MKLN1: variants seen among roughly 807,000 people sequenced by gnomAD.
The protein encoded by MKLN1 is muskelin 1.
MKLN1 carries 18 observed loss-of-function variants against 99.0 expected under a neutral mutation model. The ratio of observed to expected loss-of-function variants is 0.18; its 90% CI spans 0.13 to 0.27. The LOEUF is 0.27. Ranked by LOEUF, MKLN1 falls within the 10% of genes least tolerant of loss-of-function variation. The pLI, the probability that MKLN1 is intolerant of heterozygous loss-of-function variation, is 1.00. For synonymous variants in MKLN1, 288 were observed against 293.2 expected, an observed-to-expected ratio of 0.98 and a Z score of 0.18; for missense variants, 621 against 875.9, an observed-to-expected ratio of 0.71 and a Z score of 3.67.
At chr7:131,134,695 C>T (rs568479469) in intron 1 of MKLN1, among the ~76,000 whole-genome samples, 107 of 152,300 alleles carry the variant, frequency 7.0e-4, no homozygotes, top group Non-Finnish European at 1.3e-3. Flanking sequence ...CCCCCTTGGA[C>T]TTGTTACTAC....
At chr7:131,374,539 T>G (rs1793577355) in intron 1 of MKLN1, among the ~76,000 whole-genome samples, 1 of 152,164 alleles carries the variant, frequency 6.6e-6, no homozygotes, top group African/African-American at 2.4e-5. Context: ...TACCAGCCAT[T>G]TACTTATTTG....
intron 7 of MKLN1, among the ~76,000 whole-genome samples, chr7:131,411,885 A>G (rs1235462757): frequency 7.8e-6 from 1 of 127,726 alleles, no homozygotes; most frequent in East Asian, 2.6e-4. Context: ...CCGGCCTGGG[A>G]GACAGATGGA....
At chr7:131,350,099 C>T (rs903709778) in intron 1 of MKLN1, among the ~76,000 whole-genome samples, 3 of 151,974 alleles carry the variant, frequency 2.0e-5, no homozygotes, top group East Asian at 1.9e-4. Context: ...GTATTTGTAC[C>T]CACCTCTCTT....
intron 3 of MKLN1, among the ~76,000 whole-genome samples, chr7:131,307,396 G>A (rs114702609): frequency 0.013 from 1,976 of 152,220 alleles, 51 homozygotes; most frequent in African/African-American, 0.045. Flanking sequence ...GTGAGAAGAG[G>A]ACAACCATCC....
At chr7:131,166,071 T>C (rs2116323814) in intron 2 of MKLN1, among the ~76,000 whole-genome samples, 2 of 151,396 alleles carry the variant, frequency 1.3e-5, no homozygotes, top group Non-Finnish European at 2.9e-5. Flanking sequence ...GCTGTGATCA[T>C]GCCCATGCAC....
intron 2 of MKLN1, among the ~76,000 whole-genome samples, chr7:131,146,409 A>C (rs773214824): frequency 1.1e-4 from 16 of 152,206 alleles, no homozygotes; most frequent in Admixed American, 8.5e-4. Context: ...GTTCTTTCCC[A>C]CCTTGAGATC....
chr7:131,234,196 T>C (rs1584856144), intron 3 of MKLN1, among the ~76,000 whole-genome samples: 1 of 152,062 alleles, frequency 6.6e-6, no homozygotes, highest in East Asian at 1.9e-4. Flanking sequence ...GCCAGGCTGG[T>C]CTTGAACTCC....
At chr7:131,120,011 T>C (rs1273812238) in intron 1 of MKLN1, among the ~76,000 whole-genome samples, 1 of 152,096 alleles carries the variant, frequency 6.6e-6, no homozygotes, top group Non-Finnish European at 1.5e-5. Flanking sequence ...GAGGATAGGC[T>C]TTTAGAAGCA....
At chr7:131,359,594 A>G (rs558060001) in intron 1 of MKLN1, among the ~76,000 whole-genome samples, 18 of 152,274 alleles carry the variant, frequency 1.2e-4, no homozygotes, top group Admixed American at 2.0e-4. Flanking sequence ...GATGTGTCCA[A>G]TTATAATAAT....
intron 3 of MKLN1, among the ~76,000 whole-genome samples, chr7:131,277,170 G>A (rs1275218752): frequency 3.9e-5 from 6 of 152,244 alleles, no homozygotes; most frequent in East Asian, 3.9e-4. Flanking sequence ...GGAAGGGAAC[G>A]GTGAACAGAG....
At chr7:131,261,896 A>G (rs1191399711) in intron 3 of MKLN1, among the ~76,000 whole-genome samples, 6 of 152,218 alleles carry the variant, frequency 3.9e-5, no homozygotes, top group Admixed American at 3.9e-4. Flanking sequence ...TTAATAACAT[A>G]GGAACAGAAA....
At chr7:131,184,839 T>A (rs1665021766) in intron 2 of MKLN1, among the ~76,000 whole-genome samples, 2 of 152,182 alleles carry the variant, frequency 1.3e-5, no homozygotes, top group Admixed American at 1.3e-4. Context: ...AATACTTTTT[T>A]AAAGATGCAC....
At chr7:131,246,942 T>G (rs767379387) in intron 3 of MKLN1, among the ~76,000 whole-genome samples, 1 of 152,184 alleles carries the variant, frequency 6.6e-6, no homozygotes, top group African/African-American at 2.4e-5. Context: ...AGGGCACTGT[T>G]GAGAGTGGAA....
intron 9 of MKLN1, among the ~76,000 whole-genome samples, chr7:131,433,882 AT>A (rs11346221): frequency 0.97 from 124,799 of 128,926 alleles, 60,376 homozygotes; most frequent in Middle Eastern, 0.98. Flanking sequence ...TGTCGTTTGA[AT>A]TTTTTTTTTT....
At chr7:131,298,643 C>T (rs1450562577) in intron 3 of MKLN1, among the ~76,000 whole-genome samples, 2 of 152,190 alleles carry the variant, frequency 1.3e-5, no homozygotes, top group African/African-American at 2.4e-5. Flanking sequence ...ATAAAACACG[C>T]CTGTCTTTGT....
chr7:131,242,574 C>T (rs772620561), intron 3 of MKLN1: 12 of 450,932 alleles, frequency 2.7e-5, no homozygotes, highest in South Asian at 1.2e-4. Flanking sequence ...GCTATAGGCC[C>T]GAGGGGTTGC....
intron 15 of MKLN1, 27 bp from the exon 16 acceptor site, chr7:131,470,815 A>G: frequency 2.1e-6 from 3 of 1,403,080 alleles, no homozygotes; most frequent in Non-Finnish European, 3.0e-6. Flanking sequence ...ATAACTCCAG[A>G]TAATTATCCT....
Position 131,171,505 on chromosome 7 carries a change from T to A in MKLN1, c.-297+28564T>A, listed in dbSNP as rs141762601. ...CGTGTTTCGCTTTTGTAGCCAAGGC[T>A]GGAGTGCAATGGTGCGTTCTCAGCT... On this transcript the variant is annotated intron_variant, in intron 2 of 7. Coordinates refer to the MKLN1 transcript ENST00000416992. 2.9e-3 allele frequency among the ~76,000 whole-genome samples: 438 copies of A among 152,308 alleles called. 4 individuals carry two copies. The highest frequency in any genetic ancestry group is 9.9e-3 in the African/African-American group (413 of 41,576).
At chr7:131,235,076 T>C (rs1384356475) in intron 3 of MKLN1, among the ~76,000 whole-genome samples, 3 of 152,136 alleles carry the variant, frequency 2.0e-5, no homozygotes, top group Admixed American at 6.5e-5. Context: ...GCTCTTCACA[T>C]ATATATTTTT....
Sources: gnomAD v4.1 joint callset for allele counts (sites outside exome capture counted in the v4.1 genomes callset) on GRCh38, gnomAD v4.1.1 for gene constraint, MANE v1.5 for transcripts, NCBI Gene and HGNC (gene_info 2026-07-23, HGNC 2026-07-21) for gene names.